The following ZMYM1 variants were observed in gnomAD, a reference collection of about 807,000 sequenced individuals.
The protein encoded by ZMYM1 is zinc finger MYM-type containing 1.
Under a neutral mutation model 60.0 loss-of-function variants are expected in ZMYM1, and 39 were observed. The ratio of observed to expected loss-of-function variants is 0.65; its 90% CI spans 0.50 to 0.85. ZMYM1 has a LOEUF of 0.85. Among genes scored for constraint, ZMYM1 ranks in the 40% least tolerant of loss-of-function variants. ZMYM1 has a pLI of 0.00. For missense variants in ZMYM1, 1,171 were observed against 1,309.5 expected, an observed-to-expected ratio of 0.89 and a Z score of 1.63; for synonymous variants, 413 against 454.0, an observed-to-expected ratio of 0.91 and a Z score of 1.15.
At chr1:35,116,397 G>A (rs1338816322), downstream of ZMYM1, among the ~76,000 whole-genome samples, 1 of 152,146 alleles carries the variant, frequency 6.6e-6, no homozygotes, top group Non-Finnish European at 1.5e-5. Flanking sequence ...GCCATGTTAT[G>A]AAAATATAAC....
At position 35,113,204 on chromosome 1, in the gene ZMYM1, ATCT is replaced by A. The variant is rs1380096758; in HGVS notation, c.1376_1378del (p.Ser459del). ...AAGGTAAATCACGAAGTATTAAAAAATCTTGTTGTGCAGATTTTGAGTGTTTGG... is the reference window on the plus strand; with the variant it reads ...AAGGTAAATCACGAAGTATTAAAAAATGTTGTGCAGATTTTGAGTGTTTGG... On this transcript the variant is annotated inframe_deletion, in exon 10 of 10. Transcript: ENST00000359858. 1.2e-6 allele frequency: 2 copies of A among 1,613,516 alleles called. No homozygotes were observed. Among genetic ancestry groups the A allele is most frequent in the Middle Eastern group, 1.7e-4 (1 of 6,060 alleles).
At chr1:35,109,801 C>T (rs1644023927) in intron 6 of ZMYM1, among the ~76,000 whole-genome samples, 1 of 151,808 alleles carries the variant, frequency 6.6e-6, no homozygotes, top group Non-Finnish European at 1.5e-5. Context: ...GGCTGGAGTG[C>T]AGTGTCACAA....
At chr1:35,072,908 C>T (rs1642092697) in intron 1 of ZMYM1, among the ~76,000 whole-genome samples, 4 of 152,042 alleles carry the variant, frequency 2.6e-5, no homozygotes, top group Admixed American at 2.0e-4. Context: ...GTGGTGAAAC[C>T]CTGTCTCTAC....
intron 7 of ZMYM1, among the ~76,000 whole-genome samples, chr1:35,111,294 G>C (rs1175675731): frequency 6.6e-6 from 1 of 152,140 alleles, no homozygotes; most frequent in Non-Finnish European, 1.5e-5. Context: ...AGACCATAGA[G>C]TGACTAATGC....
In ZMYM1 at chr1:35,114,961, G is replaced by A. The variant is rs1342398535; in HGVS notation, c.3131G>A (p.Cys1044Tyr). 1 of 1,613,872 alleles carries A rather than the reference G, an allele frequency of 6.2e-7. No individual in the cohort carries two copies. Among genetic ancestry groups the A allele is most frequent in the Non-Finnish European group, 8.5e-7 (1 of 1,179,894 alleles). Residue 1044 changes from cysteine (C) to tyrosine (Y), a missense_variant, in exon 10 of 10, where the codon TGC (cysteine) becomes TAC (tyrosine). Coordinates refer to ENST00000359858, the MANE Select transcript of ZMYM1 (RefSeq NM_024772.5). Reference sequence around the variant, plus strand: ...CTTAACTTTGTCATAGATGATAGTTGCATAAACTTCGTCAGTCTCGGCTGT... The same window carrying A: ...CTTAACTTTGTCATAGATGATAGTTACATAAACTTCGTCAGTCTCGGCTGT... Reference protein sequence around the residue: ...AKLNFVIDDSCINFVSLGCLF... With the variant: ...AKLNFVIDDSYINFVSLGCLF...
intron 1 of ZMYM1, among the ~76,000 whole-genome samples, chr1:35,088,434 G>GTGTATATATATA (rs1340110928): frequency 2.9e-5 from 2 of 68,032 alleles, no homozygotes; most frequent in Non-Finnish European, 6.2e-5. Context: ...GTGTTTATGT[G>GTGTATATATATA]TATATATATA....
At chr1:35,070,464 G>T (rs1192504335) in intron 1 of ZMYM1, among the ~76,000 whole-genome samples, 1 of 151,878 alleles carries the variant, frequency 6.6e-6, no homozygotes, top group Admixed American at 6.6e-5. Context: ...TTTGTTTATT[G>T]GTTCTAACAG....
In ZMYM1 at chr1:35,108,660, G is replaced by A. The variant is rs892135832; in HGVS notation, c.808-1634G>A. Among the ~76,000 whole-genome samples, 15 of 147,356 alleles carry A rather than the reference G, an allele frequency of 1.0e-4. 1 individual carries two copies. The highest frequency in any genetic ancestry group is 4.1e-4 in the Admixed American group (6 of 14,814). The stretch of plus-strand genomic sequence containing the variant: ...GAGTCACCGTGCCCAGCCTGTCTGT[G>A]TACTTTGCATCTCCAAAAGCAGTTT... On this transcript the variant is annotated intron_variant, in intron 6 of 9. Coordinates refer to ENST00000359858, the MANE Select transcript of ZMYM1 (RefSeq NM_024772.5).
In ZMYM1 at chr1:35,086,615, C is replaced by G. The variant is rs568267840; in HGVS notation, c.-75+7173C>G. Among the ~76,000 whole-genome samples, 19 of 152,098 alleles carry G rather than the reference C, an allele frequency of 1.2e-4. No individual in the cohort carries two copies. In the South Asian group the frequency reaches 3.1e-3, roughly 25 times the overall value. The stretch of plus-strand genomic sequence containing the variant: ...AATCTTATTCATCGTCATGCAGTTT[C>G]CTTTCATTATTGTAACTGCCTTATA... On this transcript the variant is annotated intron_variant, in intron 1 of 9. Coordinates refer to ENST00000359858, the MANE Select transcript of ZMYM1 (RefSeq NM_024772.5).
At chr1:35,112,200 CAG>C (rs1384407221) in intron 9 of ZMYM1, 70 bp downstream of exon 9, 18 of 1,506,130 alleles carry the variant, frequency 1.2e-5, no homozygotes, top group Non-Finnish European at 1.7e-5. Flanking sequence ...GTTGTTGAGA[CAG>C]AGTCTCGCTC....
intron 4 of ZMYM1, among the ~76,000 whole-genome samples, chr1:35,099,925 C>T (rs1375253625): frequency 6.6e-6 from 1 of 152,034 alleles, no homozygotes; most frequent in East Asian, 1.9e-4. Context: ...TCGTCTCAAT[C>T]TGTCACCCAG....
At chr1:35,064,882 T>G (rs1024920351) in intron 1 of ZMYM1, among the ~76,000 whole-genome samples, 1 of 151,640 alleles carries the variant, frequency 6.6e-6, no homozygotes, top group Non-Finnish European at 1.5e-5. Context: ...AGAGGCAGGG[T>G]TTCACCGTGG....
At chr1:35,072,414 C>T (rs1642083438) in intron 1 of ZMYM1, among the ~76,000 whole-genome samples, 1 of 151,980 alleles carries the variant, frequency 6.6e-6, no homozygotes, top group Non-Finnish European at 1.5e-5. Flanking sequence ...TCTTTTTCAT[C>T]TGTCATTTTA....
At chr1:35,105,920 C>T (rs1313010244) in intron 6 of ZMYM1, among the ~76,000 whole-genome samples, 1 of 152,078 alleles carries the variant, frequency 6.6e-6, no homozygotes, top group Non-Finnish European at 1.5e-5. Flanking sequence ...TTTAATTCCA[C>T]GTGTTTAACT....
intron 8 of ZMYM1, 68 bp downstream of exon 8, chr1:35,111,980 G>A: frequency 1.3e-6 from 2 of 1,554,996 alleles, no homozygotes; most frequent in South Asian, 1.2e-5. Context: ...CTGTCTATAT[G>A]CTAAATTTTC....
intron 1 of ZMYM1, among the ~76,000 whole-genome samples, chr1:35,081,416 T>C (rs1642383268): frequency 6.6e-6 from 1 of 152,106 alleles, no homozygotes; most frequent in Admixed American, 6.6e-5. Context: ...CTAGGCTCTG[T>C]ATGCACATTG....
chr1:35,071,703 G>A (rs865823980), intron 1 of ZMYM1, among the ~76,000 whole-genome samples: 3 of 152,096 alleles, frequency 2.0e-5, no homozygotes, highest in Non-Finnish European at 4.4e-5. Context: ...CTGTAGTTTT[G>A]TTGTTGTTTT....
In ZMYM1 at chr1:35,114,507, A is replaced by G. The variant is rs900754836; in HGVS notation, c.2677A>G (p.Ile893Val). The change falls in exon 10 of 10, where the codon ATA becomes GTA. Residue 893 changes from isoleucine to valine, a missense_variant. Physicochemically the swap from Ile to Val is conservative, Grantham distance 29. Transcript: ENST00000359858. ...AGACATTTTTTCTTTGTCTTCAAAAATAGAAGCAATTTTGGAATGTTTATC... is the reference window on the plus strand; with the variant it reads ...AGACATTTTTTCTTTGTCTTCAAAAGTAGAAGCAATTTTGGAATGTTTATC... ...TIDIFSLSSKIEAILECLSSE... is the reference protein window; with the variant it reads ...TIDIFSLSSKVEAILECLSSE... The G allele has an allele frequency of 3.1e-6, 5 of 1,610,812 alleles. No individual in the cohort carries two copies. In the Admixed American group the frequency reaches 5.0e-5, roughly 16 times the overall value.
chr1:35,081,702 G>A (rs560683406), intron 1 of ZMYM1, among the ~76,000 whole-genome samples: 32 of 147,206 alleles, frequency 2.2e-4, no homozygotes, highest in African/African-American at 7.8e-4. Flanking sequence ...TTGATTTTTT[G>A]TTTGTTTGTT....
Sources: allele counts gnomAD v4.1 joint callset (sites outside exome capture counted in the v4.1 genomes callset), GRCh38; gene constraint gnomAD v4.1.1; transcripts MANE v1.5; gene names NCBI Gene and HGNC (gene_info 2026-07-23, HGNC 2026-07-21).